ELMO1: variants seen among roughly 807,000 people sequenced by gnomAD.
ELMO1 encodes engulfment and cell motility 1.
A neutral mutation model predicts 98.9 loss-of-function variants in ELMO1; 26 were observed. That is an observed-to-expected ratio of 0.26 (90% CI 0.19 to 0.36). The LOEUF is 0.36. Among genes scored for constraint, ELMO1 ranks in the 10% least tolerant of loss-of-function variants. ELMO1 has a pLI of 1.00. For synonymous variants in ELMO1, 346 were observed against 346.0 expected (o/e 1.00, Z 0.00); for missense variants, 627 against 935.2 (o/e 0.67, Z 4.30).
intron 17 of ELMO1, among the ~76,000 whole-genome samples, chr7:36,893,810 C>T (rs1428867445): frequency 6.6e-6 from 1 of 152,012 alleles, no homozygotes; most frequent in African/African-American, 2.4e-5. Context: ...GGGAGTAAGG[C>T]CTGCCCATCT....
chr7:36,889,291 C>A (rs1446321855), intron 17 of ELMO1, among the ~76,000 whole-genome samples: 1 of 152,164 alleles, frequency 6.6e-6, no homozygotes, highest in African/African-American at 2.4e-5. Context: ...CTTCCCTGTA[C>A]AGGTCTCTTA....
At chr7:37,209,620 T>C (rs1198048896) in intron 13 of ELMO1, among the ~76,000 whole-genome samples, 3 of 152,120 alleles carry the variant, frequency 2.0e-5, no homozygotes, top group Admixed American at 2.0e-4. Flanking sequence ...AGAGATTGGG[T>C]GATTTCGCAA....
intron 16 of ELMO1, among the ~76,000 whole-genome samples, chr7:36,975,548 A>G (rs1358172134): frequency 6.6e-6 from 1 of 152,064 alleles, no homozygotes; most frequent in African/African-American, 2.4e-5. Context: ...CAATATTGAC[A>G]TTTAAAAGAT....
chr7:37,182,371 A>G (rs181428375), intron 13 of ELMO1, among the ~76,000 whole-genome samples: 2 of 152,252 alleles, frequency 1.3e-5, no homozygotes, highest in East Asian at 3.9e-4. Context: ...GCAGGGAGAG[A>G]AAATGGCAGC....
In ELMO1 at chr7:36,870,609, GA is replaced by G; in HGVS notation, c.1823-135del. 2.5e-6 allele frequency: 2 copies of G among 806,576 alleles called. No individual in the cohort carries two copies. Among genetic ancestry groups the G allele is most frequent in the Non-Finnish European group, 3.8e-6 (2 of 529,838 alleles). 50.0% of individuals were successfully genotyped at this position (806,576 alleles called of 1,614,324 possible). A position where few individuals can be genotyped will look rare whatever the true frequency, so the allele number is the denominator to read the frequency against. The stretch of plus-strand genomic sequence containing the variant: ...AAACTACTGCAAAAAGAAGAGTGTT[GA>G]AAAGAGGAAGAGAAGCCAGGTAGTG... On this transcript the variant is annotated intron_variant, in intron 19 of 21. Coordinates refer to ENST00000310758, the MANE Select transcript of ELMO1 (RefSeq NM_014800.11). The surrounding 1 kb of genome is among the most constrained non-coding windows in gnomAD (Gnocchi z 4.4).
In ELMO1 at chr7:36,911,800, G is replaced by A. The variant is rs76354621; in HGVS notation, c.1438-16783C>T. Among the ~76,000 whole-genome samples the A allele has an allele frequency of 5.6e-3, 847 of 152,094 alleles. 8 individuals carry two copies. Among genetic ancestry groups the A allele is most frequent in the African/African-American group, 0.019 (801 of 41,480 alleles). On this transcript the variant is annotated intron_variant, in intron 16 of 21. Coordinates refer to ENST00000310758, the MANE Select transcript of ELMO1 (RefSeq NM_014800.11). Reference sequence around the variant, plus strand: ...AGAGCCCACCTCCCTTGCTCCCATCGGCCAACTCTCAGCTATTTGTCTTTA... The same window carrying A: ...AGAGCCCACCTCCCTTGCTCCCATCAGCCAACTCTCAGCTATTTGTCTTTA...
At chr7:36,895,038 A>G in intron 16 of ELMO1, 21 bp from the exon 17 acceptor site, 2 of 1,611,274 alleles carry the variant, frequency 1.2e-6, no homozygotes. Flanking sequence ...AAGGAAGACC[A>G]TCATTTTCCT....
At chr7:37,393,233 T>A (rs1168020783) in intron 1 of ELMO1, among the ~76,000 whole-genome samples, 1 of 152,152 alleles carries the variant, frequency 6.6e-6, no homozygotes, top group East Asian at 1.9e-4. Flanking sequence ...AACTTGAGAG[T>A]AACTTGCCAA....
chr7:37,429,722 T>C (rs928303826), intron 1 of ELMO1: 2 of 152,274 alleles, frequency 1.3e-5, no homozygotes, highest in Non-Finnish European at 2.9e-5. Flanking sequence ...TAATCCTCTA[T>C]GGAGGGCTGC....
At chr7:37,165,379 T>C (rs1293597089) in intron 13 of ELMO1, among the ~76,000 whole-genome samples, 1 of 151,926 alleles carries the variant, frequency 6.6e-6, no homozygotes, top group South Asian at 2.1e-4. Flanking sequence ...CTATGTTGAA[T>C]AGCAGTGGTG....
intron 1 of ELMO1, among the ~76,000 whole-genome samples, chr7:37,382,135 A>C (rs1459625776): frequency 6.6e-6 from 1 of 152,212 alleles, no homozygotes; most frequent in African/African-American, 2.4e-5. Flanking sequence ...TCTCAGAAAC[A>C]CTTGCCTTAC....
intron 13 of ELMO1, among the ~76,000 whole-genome samples, chr7:37,156,683 C>A (rs543731382): frequency 3.9e-5 from 6 of 152,070 alleles, no homozygotes; most frequent in African/African-American, 9.7e-5. Flanking sequence ...TAATAGCCTA[C>A]CAACCAAAAA....
intron 16 of ELMO1, among the ~76,000 whole-genome samples, chr7:36,912,717 T>C (rs891818901): frequency 6.6e-6 from 1 of 152,202 alleles, no homozygotes; most frequent in East Asian, 1.9e-4. Flanking sequence ...GGAAATAGCA[T>C]GAGTATTGGA....
intron 16 of ELMO1, among the ~76,000 whole-genome samples, chr7:36,950,978 T>C (rs1258821272): frequency 6.6e-6 from 1 of 152,210 alleles, no homozygotes; most frequent in South Asian, 2.1e-4. Context: ...AAGTCAATCA[T>C]GATTCCCCCT....
chr7:37,076,529 T>C (rs1212885177), intron 15 of ELMO1, among the ~76,000 whole-genome samples: 1 of 152,222 alleles, frequency 6.6e-6, no homozygotes, highest in African/African-American at 2.4e-5. Flanking sequence ...TTGATCTTGT[T>C]TGGCTGTTTA....
chr7:37,025,288 T>C (rs925974159), intron 15 of ELMO1, among the ~76,000 whole-genome samples: 6 of 152,232 alleles, frequency 3.9e-5, no homozygotes, highest in African/African-American at 1.4e-4. Context: ...GAATTAGCAA[T>C]GCAAAACTGA....
intron 15 of ELMO1, among the ~76,000 whole-genome samples, chr7:37,072,906 C>T (rs1379067012): frequency 6.6e-6 from 1 of 152,208 alleles, no homozygotes; most frequent in Non-Finnish European, 1.5e-5. Flanking sequence ...CTTGAACTCT[C>T]AAGTTGACAA....
intron 1 of ELMO1, among the ~76,000 whole-genome samples, chr7:37,406,391 C>T (rs1478817747): frequency 6.6e-6 from 1 of 150,762 alleles, no homozygotes; most frequent in East Asian, 2.0e-4. Context: ...AAACTAAAAA[C>T]ATATTCTTAG....
chr7:36,912,823 TATTAA>T (rs1784428738), intron 16 of ELMO1, among the ~76,000 whole-genome samples: 2 of 152,322 alleles, frequency 1.3e-5, no homozygotes, highest in South Asian at 2.1e-4. Context: ...TAGTTACGAA[TATTAA>T]ATTAGATAAC....
Sources: allele counts gnomAD v4.1 joint callset (sites outside exome capture counted in the v4.1 genomes callset), GRCh38; gene constraint gnomAD v4.1.1; non-coding constraint Gnocchi (gnomAD v3.1); transcripts MANE v1.5; gene names NCBI Gene and HGNC (gene_info 2026-07-23, HGNC 2026-07-21).